Variants in MAST4 observed in about 807,000 individuals in gnomAD.
The protein encoded by MAST4 is microtubule associated serine/threonine kinase family member 4, also known as microtubule-associated serine/threonine-protein kinase 4.
Under a neutral mutation model 162.7 loss-of-function variants are expected in MAST4, and 89 were observed. That is an observed-to-expected ratio of 0.55 (90% CI 0.46 to 0.65). The LOEUF is 0.65. Among genes scored for constraint, MAST4 ranks in the 30% least tolerant of loss-of-function variants. The probability of loss-of-function intolerance (pLI) is 0.00; values close to 1 mark genes in which losing one functional copy is unlikely to be tolerated. For synonymous variants in MAST4, 1,479 were observed against 1,361.1 expected (o/e 1.09, Z -1.91); for missense variants, 3,153 against 3,374.0 (o/e 0.93, Z 1.62).
intron 1 of MAST4, among the ~76,000 whole-genome samples, chr5:66,604,012 C>G (rs1380458806): frequency 6.6e-6 from 1 of 152,216 alleles, no homozygotes; most frequent in Non-Finnish European, 1.5e-5. Context: ...TCACCCTTCT[C>G]TCATCGCCCT....
intron 3 of MAST4, among the ~76,000 whole-genome samples, chr5:66,816,496 G>C (rs1310799487): frequency 1.3e-5 from 2 of 152,182 alleles, no homozygotes; most frequent in Non-Finnish European, 2.9e-5. Flanking sequence ...TTTTATGTAA[G>C]AGTGTAGTAA....
At chr5:66,967,915 G>A (rs1746947118) in intron 4 of MAST4, among the ~76,000 whole-genome samples, 2 of 152,074 alleles carry the variant, frequency 1.3e-5, no homozygotes, top group Admixed American at 1.3e-4. Context: ...ATGACCCCCA[G>A]TACTTAATAA....
At chr5:67,087,799 A>G (rs143026397) in intron 5 of MAST4, among the ~76,000 whole-genome samples, 11 of 152,342 alleles carry the variant, frequency 7.2e-5, no homozygotes, top group African/African-American at 2.6e-4. Flanking sequence ...GACATGAAGC[A>G]GAAACATCTG....
At chr5:66,815,465 C>T (rs547882232) in intron 3 of MAST4, among the ~76,000 whole-genome samples, 8 of 152,160 alleles carry the variant, frequency 5.3e-5, no homozygotes, top group African/African-American at 9.6e-5. Flanking sequence ...CTTTATCATA[C>T]GTATGTATAT....
At chr5:66,866,109 G>T (rs36147) in intron 3 of MAST4, among the ~76,000 whole-genome samples, 1 of 147,864 alleles carries the variant, frequency 6.8e-6, no homozygotes, top group Non-Finnish European at 1.5e-5. Context: ...AATAGAGTAC[G>T]TTGCTGGTAG....
In MAST4 at chr5:67,163,587, G is replaced by A. The variant is rs901676378; in HGVS notation, c.4408G>A (p.Val1470Met). The change falls in exon 29 of 29, where the codon GTG becomes ATG. Residue 1470 changes from valine to methionine, a missense_variant. By Grantham distance (21) the Val-to-Met change is conservative. This residue lies in a region of MAST4 where 619 missense variants were observed against 744.2 expected (regional missense o/e 0.83). Transcript: ENST00000403625. The surrounding 1 kb of genome is among the most constrained non-coding windows in gnomAD (Gnocchi z 7.0). The stretch of plus-strand genomic sequence containing the variant: ...GTGCTCCCGCAAGCACAGCCTGGAG[G>A]TGACCCAAGAGGAGGTGCAGCGGGA... ...HLCSRKHSLE[V>M]TQEEVQREQS... 136 of 1,596,392 alleles carry A rather than the reference G, an allele frequency of 8.5e-5. No individual in the cohort carries two copies. The highest frequency in any genetic ancestry group is 1.1e-4 in the Non-Finnish European group (128 of 1,172,076).
rs1773584849 is a variant in MAST4, at chr5:67,164,179, C to A, written c.5000C>A (p.Ser1667Tyr). Residue 1667 changes from serine to tyrosine, a missense_variant, in exon 29 of 29, where the codon TCC becomes TAC. This residue lies in a region of MAST4 where 1,644 missense variants were observed against 1,495.0 expected (regional missense o/e 1.10). Transcript: ENST00000403625. The surrounding 1 kb of genome is among the most constrained non-coding windows in gnomAD (Gnocchi z 5.3). ...ISGKGEGTEKSSQAKELLRCE... is the reference protein window; with the variant it reads ...ISGKGEGTEKYSQAKELLRCE... ...GGGAAGGGGGAAGGCACGGAGAAGT[C>A]CTCCCAGGCCAAGGAGCTTCTCCGA... is the stretch of plus-strand genomic sequence containing the variant. The A allele has an allele frequency of 3.7e-6, 6 of 1,611,390 alleles. No homozygotes were observed. The highest frequency in any genetic ancestry group is 5.1e-6 in the Non-Finnish European group (6 of 1,178,800).
rs1398630357 is a variant in MAST4 at position 67,168,922 on chromosome 5, A to G, written c.*1871A>G. 1 of 152,348 alleles carries G rather than the reference A, an allele frequency of 6.6e-6. No individual in the cohort carries two copies. The highest frequency in any genetic ancestry group is 1.9e-4 in the East Asian group (1 of 5,194). 9.4% of individuals were successfully genotyped at this position (152,348 alleles called of 1,614,324 possible). ...AAAACAAACAAAAAAAGAAAAAGAA[A>G]AAAGCCTCCTCCTTGCCCCTAATTT... On this transcript the variant is annotated 3_prime_UTR_variant, in exon 29 of 29. Transcript: ENST00000403625.
intron 3 of MAST4, among the ~76,000 whole-genome samples, chr5:66,800,785 A>G (rs1363043993): frequency 6.6e-6 from 1 of 152,224 alleles, no homozygotes; most frequent in East Asian, 1.9e-4. Flanking sequence ...GATTACACAG[A>G]AGATTACACA....
intron 1 of MAST4, among the ~76,000 whole-genome samples, chr5:66,751,097 A>G (rs1450846703): frequency 1.3e-5 from 2 of 151,980 alleles, no homozygotes; most frequent in African/African-American, 4.8e-5. Context: ...TGTCTGTTGG[A>G]AGGAAAACTA....
chr5:67,042,214 T>C lies in MAST4; in HGVS notation c.675-12190T>C, dbSNP rs577501065. Reference sequence around the variant, plus strand: ...CCACTTAACCTCCCTTCTTAGGCTCTGTTTGCCACTAATTGGTGGTGCTAC... The same window carrying C: ...CCACTTAACCTCCCTTCTTAGGCTCCGTTTGCCACTAATTGGTGGTGCTAC... On this transcript the variant is annotated intron_variant, in intron 4 of 28. Coordinates refer to ENST00000403625, the MANE Select transcript of MAST4 (RefSeq NM_001164664.2). 6.6e-5 allele frequency among the ~76,000 whole-genome samples: 10 copies of C among 152,346 alleles called. No homozygotes were observed. The East Asian group carries it at 1.9e-3, about 29-fold the overall frequency.
chr5:66,714,990 A>G (rs1314595174), intron 1 of MAST4, among the ~76,000 whole-genome samples: 1 of 152,238 alleles, frequency 6.6e-6, no homozygotes, highest in Admixed American at 6.5e-5. Flanking sequence ...ATGTCAACAG[A>G]TATGGGTTTA....
At chr5:66,808,770 C>T (rs1319407891) in intron 3 of MAST4, among the ~76,000 whole-genome samples, 1 of 152,174 alleles carries the variant, frequency 6.6e-6, no homozygotes, top group African/African-American at 2.4e-5. Context: ...TTTTCTCTGC[C>T]TTACCTTCTG....
In MAST4 at chr5:66,937,125, C is replaced by T. The variant is rs78748128; in HGVS notation, c.674+37143C>T. On this transcript the variant is annotated intron_variant, in intron 4 of 28. Transcript: ENST00000403625. Reference sequence around the variant, plus strand: ...TACTCATGTTATTTTAAAACACTTACGGTACTTTACTATTTAATAAATATT... The same window carrying T: ...TACTCATGTTATTTTAAAACACTTATGGTACTTTACTATTTAATAAATATT... Among the ~76,000 whole-genome samples, 1,074 of 152,262 alleles carry T rather than the reference C, an allele frequency of 7.1e-3. 13 individuals carry two copies. The highest frequency in any genetic ancestry group is 0.024 in the Middle Eastern group (7 of 294).
rs775645380 is a variant in MAST4 at position 67,165,807 on chromosome 5, C to T, written c.6628C>T (p.Arg2210Trp). 4 of 1,612,022 alleles carry T rather than the reference C, an allele frequency of 2.5e-6. No homozygotes were observed. The highest frequency in any genetic ancestry group is 3.4e-6 in the Non-Finnish European group (4 of 1,179,376). The change falls in exon 29 of 29, where the codon CGG (arginine) becomes TGG (tryptophan). Residue 2210 changes from arginine to tryptophan, a missense_variant. By Grantham distance (101) the Arg-to-Trp change is moderately radical. Coordinates refer to ENST00000403625, the MANE Select transcript of MAST4 (RefSeq NM_001164664.2). ...PGPPKTKHPDRSLSSQKPSVG... is the reference protein window; with the variant it reads ...PGPPKTKHPDWSLSSQKPSVG... The stretch of plus-strand genomic sequence containing the variant: ...CCCTCCAAAGACTAAGCACCCCGAC[C>T]GGTCCCTCTCCTCTCAGAAACCAAG...
chr5:66,656,190 T>C (rs560936287), intron 1 of MAST4, among the ~76,000 whole-genome samples: 31 of 152,330 alleles, frequency 2.0e-4, no homozygotes, highest in African/African-American at 7.0e-4. Context: ...ACCTTTCTGC[T>C]CTGTACTTGT....
At chr5:66,728,515 C>G (rs1430795699) in intron 1 of MAST4, among the ~76,000 whole-genome samples, 4 of 152,202 alleles carry the variant, frequency 2.6e-5, no homozygotes, top group African/African-American at 9.6e-5. Flanking sequence ...TGCTATAGTC[C>G]TTTGCGTCGT....
intron 1 of MAST4, among the ~76,000 whole-genome samples, chr5:66,748,411 TCCTCCCTTCCTTCCTC>T (rs1752903551): frequency 1.8e-4 from 1 of 5,502 alleles, no homozygotes; most frequent in African/African-American, 7.0e-4. Flanking sequence ...CTTCTTTCCT[TCCTCCCTTCCTTCCTC>T]CCTCCCTCCC....
chr5:67,140,704 C>T (rs1218200811), intron 19 of MAST4, among the ~76,000 whole-genome samples: 1 of 152,116 alleles, frequency 6.6e-6, no homozygotes, highest in Non-Finnish European at 1.5e-5. Context: ...TTGTAATGCC[C>T]ACTTCATGTG....
Sources: allele counts gnomAD v4.1 joint callset (sites outside exome capture counted in the v4.1 genomes callset), GRCh38; gene constraint gnomAD v4.1.1; regional missense constraint gnomAD v4.1.1; non-coding constraint Gnocchi (gnomAD v3.1); transcripts MANE v1.5; gene names NCBI Gene and HGNC (gene_info 2026-07-23, HGNC 2026-07-21).